SHISA9: variants seen among roughly 807,000 people sequenced by gnomAD.
The protein encoded by SHISA9 is protein shisa-9.
A neutral mutation model predicts 38.0 loss-of-function variants in SHISA9; 13 were observed. The observed-to-expected ratio is 0.34, with a 90% CI of 0.22 to 0.54. SHISA9 has a LOEUF of 0.54. SHISA9 is among the 20% of genes least tolerant of loss of function. The pLI is 0.91. For missense variants in SHISA9, 538 were observed against 575.8 expected, an observed-to-expected ratio of 0.93 and a Z score of 0.67; for synonymous variants, 275 against 242.0, an observed-to-expected ratio of 1.14 and a Z score of -1.27.
the SHISA9 span, among the ~76,000 whole-genome samples, chr16:13,410,806 T>C: frequency 6.6e-6 from 1 of 152,204 alleles, no homozygotes. Context: ...ATAAAAATTA[T>C]GAATACACCT....
At chr16:12,956,010 C>T (rs748256471) in intron 2 of SHISA9, among the ~76,000 whole-genome samples, 15 of 152,106 alleles carry the variant, frequency 9.9e-5, no homozygotes, top group Non-Finnish European at 2.1e-4. Context: ...ATTGTGCCTC[C>T]GACAAAAGAG....
intron 2 of SHISA9, among the ~76,000 whole-genome samples, chr16:12,922,428 C>T (rs1279400957): frequency 6.6e-6 from 1 of 152,248 alleles, no homozygotes; most frequent in Non-Finnish European, 1.5e-5. Flanking sequence ...GATCTTTCCT[C>T]TTTCACCTCA....
chr16:13,079,967 A>G (rs966894313), intron 2 of SHISA9, among the ~76,000 whole-genome samples: 2 of 152,202 alleles, frequency 1.3e-5, no homozygotes, highest in African/African-American at 4.8e-5. Flanking sequence ...CTTTCCTAGC[A>G]TGAAGGAAAT....
At chr16:12,959,666 C>T (rs2071883634) in intron 2 of SHISA9, among the ~76,000 whole-genome samples, 2 of 152,164 alleles carry the variant, frequency 1.3e-5, no homozygotes, top group Non-Finnish European at 2.9e-5. Flanking sequence ...TTTCATTCAG[C>T]TCCATTGTGT....
chr16:13,161,846 G>A (rs2050597832), intron 2 of SHISA9, among the ~76,000 whole-genome samples: 1 of 152,098 alleles, frequency 6.6e-6, no homozygotes, highest in Non-Finnish European at 1.5e-5. Flanking sequence ...AGTTTCTAAA[G>A]ATTTGTTTCC....
chr16:13,065,815 C>A (rs940918515), intron 2 of SHISA9, among the ~76,000 whole-genome samples: 2 of 152,232 alleles, frequency 1.3e-5, no homozygotes, highest in Non-Finnish European at 2.9e-5. Context: ...GATGACTCTG[C>A]AGGTCTTTCA....
chr16:13,526,679 C>T, the SHISA9 span, among the ~76,000 whole-genome samples: 1 of 152,186 alleles, frequency 6.6e-6, no homozygotes, highest in Non-Finnish European at 1.5e-5. Flanking sequence ...AACTACCAGG[C>T]CCAGGCTGCT....
intron 2 of SHISA9, among the ~76,000 whole-genome samples, chr16:13,089,269 T>G (rs986541524): frequency 3.3e-5 from 5 of 152,188 alleles, no homozygotes; most frequent in Admixed American, 6.5e-5. Flanking sequence ...TCTCTTTTTT[T>G]GTTGTGTCTC....
intron 2 of SHISA9, among the ~76,000 whole-genome samples, chr16:13,161,700 T>A (rs552610412): frequency 3.3e-5 from 5 of 152,166 alleles, no homozygotes; most frequent in Non-Finnish European, 5.9e-5. Context: ...TCCAGCCTCT[T>A]TTATAGGCAG....
At chr16:13,287,475 A>G in the SHISA9 span, among the ~76,000 whole-genome samples, 18 of 152,240 alleles carry the variant, frequency 1.2e-4, no homozygotes, top group African/African-American at 4.3e-4. Flanking sequence ...GGTAAAGATC[A>G]CTGGCATGGA....
intron 4 of SHISA9, among the ~76,000 whole-genome samples, chr16:13,229,114 T>A (rs2051306777): frequency 6.6e-6 from 1 of 152,196 alleles, no homozygotes; most frequent in Admixed American, 6.5e-5. Context: ...GAGCTAAGAC[T>A]GTGCCACCGC....
intron 2 of SHISA9, among the ~76,000 whole-genome samples, chr16:13,108,726 C>T (rs2073949941): frequency 6.6e-6 from 1 of 152,108 alleles, no homozygotes; most frequent in Admixed American, 6.5e-5. Flanking sequence ...TGCTTTTTAC[C>T]ATTGGGGGAA....
chr16:13,369,293 C>T, the SHISA9 span, among the ~76,000 whole-genome samples: 5 of 151,952 alleles, frequency 3.3e-5, no homozygotes, highest in Non-Finnish European at 5.9e-5. Flanking sequence ...ATTAGGGCTA[C>T]GAGATTAGGA....
intron 2 of SHISA9, among the ~76,000 whole-genome samples, chr16:13,173,577 G>C (rs1390894593): frequency 6.6e-6 from 1 of 152,100 alleles, no homozygotes; most frequent in African/African-American, 2.4e-5. Context: ...CCCCTATTTG[G>C]GGATATTTAA....
chr16:13,175,493 G>A (rs2050724246), intron 2 of SHISA9, among the ~76,000 whole-genome samples: 1 of 152,238 alleles, frequency 6.6e-6, no homozygotes, highest in African/African-American at 2.4e-5. Context: ...CTGGGAAGTT[G>A]TGTGATTTGA....
At chr16:12,997,579 G>A (rs1019453949) in intron 2 of SHISA9, among the ~76,000 whole-genome samples, 2 of 151,824 alleles carry the variant, frequency 1.3e-5, no homozygotes, top group Admixed American at 6.6e-5. Flanking sequence ...GCTAATTTTT[G>A]TATTTTTGTA....
In SHISA9 at chr16:13,212,573, A is replaced by T. The variant is rs187484719; in HGVS notation, c.848-680A>T. Among the ~76,000 whole-genome samples, 26 of 152,358 alleles carry T rather than the reference A, an allele frequency of 1.7e-4. No individual in the cohort carries two copies. In the East Asian group the frequency reaches 1.7e-3, roughly 10 times the overall value. On this transcript the variant is annotated intron_variant, in intron 3 of 4. Coordinates refer to ENST00000558583, the MANE Select transcript of SHISA9 (RefSeq NM_001145204.3). ...TCTGTAAAGCAATGTATTACTCATT[A>T]TGGGATTCTCAGATAACAAGCTTGA...
the SHISA9 span, among the ~76,000 whole-genome samples, chr16:13,302,821 G>T: frequency 4.5e-4 from 69 of 152,264 alleles, no homozygotes; most frequent in South Asian, 0.014. Context: ...GGAGGTAATT[G>T]GGTCATGGGT....
At chr16:13,429,570 C>G in the SHISA9 span, among the ~76,000 whole-genome samples, 1 of 152,148 alleles carries the variant, frequency 6.6e-6, no homozygotes, top group Non-Finnish European at 1.5e-5. Context: ...CCTCCCTACT[C>G]CAGCATCACT....
Sources: allele counts gnomAD v4.1 joint callset (sites outside exome capture counted in the v4.1 genomes callset), GRCh38; gene constraint gnomAD v4.1.1; transcripts MANE v1.5; gene names NCBI Gene and HGNC (gene_info 2026-07-23, HGNC 2026-07-21).